ROBO2: variants seen among roughly 807,000 people sequenced by gnomAD.
ROBO2 encodes the protein roundabout homolog 2.
ROBO2 carries 53 observed loss-of-function variants against 160.8 expected under a neutral mutation model. The observed-to-expected ratio is 0.33, with a 90% CI of 0.26 to 0.41. The LOEUF (loss-of-function observed/expected upper bound fraction) is 0.41. Among genes scored for constraint, ROBO2 ranks in the 10% least tolerant of loss-of-function variants. The pLI, the probability that ROBO2 is intolerant of heterozygous loss-of-function variation, is 1.00. For synonymous variants in ROBO2, 664 were observed against 611.7 expected, an observed-to-expected ratio of 1.09 and a Z score of -1.26; for missense variants, 1,577 against 1,722.4, an observed-to-expected ratio of 0.92 and a Z score of 1.49.
chr3:76,500,444 G>A (rs191487483), intron 2 of ROBO2, among the ~76,000 whole-genome samples: 2 of 152,320 alleles, frequency 1.3e-5, no homozygotes, highest in Admixed American at 6.5e-5. Context: ...AATATGGAAT[G>A]TAATATATAG....
At chr3:76,833,676 G>C (rs531890411) in intron 2 of ROBO2, among the ~76,000 whole-genome samples, 1 of 152,040 alleles carries the variant, frequency 6.6e-6, no homozygotes, top group East Asian at 1.9e-4. Flanking sequence ...ACATTCTTTT[G>C]ATGTCCTCTT....
intron 2 of ROBO2, among the ~76,000 whole-genome samples, chr3:76,938,998 T>TAAAAAAAAAAAAAAAAAA (rs2077965816): frequency 8.3e-6 from 1 of 121,074 alleles, no homozygotes; most frequent in African/African-American, 3.2e-5. Flanking sequence ...AAAAAAAAAG[T>TAAAAAAAAAAAAAAAAAA]AGCCCCACAC....
intron 2 of ROBO2, among the ~76,000 whole-genome samples, chr3:77,294,080 A>C (rs1375927772): frequency 7.1e-6 from 1 of 140,698 alleles, no homozygotes; most frequent in Non-Finnish European, 1.6e-5. Flanking sequence ...CAGTAAAGAC[A>C]TAAAGTAAAA....
intron 2 of ROBO2, among the ~76,000 whole-genome samples, chr3:77,010,425 C>A (rs890019248): frequency 6.6e-6 from 1 of 152,160 alleles, no homozygotes; most frequent in Admixed American, 6.5e-5. Context: ...GCTTAACATT[C>A]TCCAAAGACA....
At chr3:76,196,237 T>C (rs1702255849) in intron 2 of ROBO2, among the ~76,000 whole-genome samples, 1 of 152,184 alleles carries the variant, frequency 6.6e-6, no homozygotes, top group Non-Finnish European at 1.5e-5. Context: ...AGGCTGATGA[T>C]ACTGACTTAA....
intron 2 of ROBO2, among the ~76,000 whole-genome samples, chr3:77,442,020 A>C (rs2079970767): frequency 6.6e-6 from 1 of 152,306 alleles, no homozygotes; most frequent in Admixed American, 6.5e-5. Context: ...GAACAATAAT[A>C]TCAGATTTAC....
intron 21 of ROBO2, among the ~76,000 whole-genome samples, chr3:77,611,726 CA>C (rs200908609): frequency 6.6e-6 from 1 of 152,190 alleles, no homozygotes; most frequent in East Asian, 1.9e-4. Context: ...ATCAGAATAT[CA>C]AAAGTTATCA....
intron 2 of ROBO2, among the ~76,000 whole-genome samples, chr3:76,668,571 G>T (rs2110141208): frequency 6.6e-6 from 1 of 152,264 alleles, no homozygotes; most frequent in African/African-American, 2.4e-5. Context: ...GTACAACTTG[G>T]GTTGAAGTAA....
At chr3:76,636,983 A>G (rs1473741602) in intron 2 of ROBO2, among the ~76,000 whole-genome samples, 1 of 152,142 alleles carries the variant, frequency 6.6e-6, no homozygotes, top group African/African-American at 2.4e-5. Flanking sequence ...GGTGAATTCA[A>G]GGAGAGTGAG....
At chr3:77,263,907 A>G (rs984836903) in intron 2 of ROBO2, among the ~76,000 whole-genome samples, 1 of 152,200 alleles carries the variant, frequency 6.6e-6, no homozygotes, top group African/African-American at 2.4e-5. Flanking sequence ...TAATCTAAGC[A>G]TTGTGTCTTG....
chr3:76,197,109 T>G (rs1468137794), intron 2 of ROBO2, among the ~76,000 whole-genome samples: 1 of 151,926 alleles, frequency 6.6e-6, no homozygotes, highest in African/African-American at 2.4e-5. Context: ...GATAATCCAC[T>G]GAGCTAATCA....
At chr3:76,963,097 T>C (rs981360528) in intron 2 of ROBO2, among the ~76,000 whole-genome samples, 2 of 152,092 alleles carry the variant, frequency 1.3e-5, no homozygotes, top group Admixed American at 1.3e-4. Context: ...AAAAGTTTGT[T>C]TAAAATATTA....
At chr3:77,516,693 C>G (rs1470571) in intron 5 of ROBO2, among the ~76,000 whole-genome samples, 1 of 151,464 alleles carries the variant, frequency 6.6e-6, no homozygotes, top group Non-Finnish European at 1.5e-5. Context: ...GTAGCATTAA[C>G]GAATTAAATA....
At chr3:77,547,446 ATC>A (rs1257581271) in intron 7 of ROBO2, among the ~76,000 whole-genome samples, 1 of 152,098 alleles carries the variant, frequency 6.6e-6, no homozygotes, top group African/African-American at 2.4e-5. Context: ...ATTATTAAAC[ATC>A]TCTGGAAATC....
chr3:76,561,521 T>C (rs796610569), intron 2 of ROBO2, among the ~76,000 whole-genome samples: 10 of 152,300 alleles, frequency 6.6e-5, no homozygotes, highest in African/African-American at 2.4e-4. Context: ...CTGATTATTG[T>C]TAAGTGCCTA....
chr3:76,757,770 T>C (rs1021774723), intron 2 of ROBO2, among the ~76,000 whole-genome samples: 3 of 151,782 alleles, frequency 2.0e-5, no homozygotes, highest in Non-Finnish European at 4.4e-5. Context: ...TCCAGAGAGA[T>C]TGAACCTTCT....
intron 20 of ROBO2, among the ~76,000 whole-genome samples, chr3:77,605,111 A>C (rs1476683005): frequency 6.6e-6 from 1 of 150,550 alleles, no homozygotes; most frequent in East Asian, 2.0e-4. Flanking sequence ...CCTGCAGTGG[A>C]TGTGATCGCA....
At chr3:77,270,477 CTGTT>C (rs1455382247) in intron 2 of ROBO2, among the ~76,000 whole-genome samples, 3 of 152,106 alleles carry the variant, frequency 2.0e-5, no homozygotes, top group African/African-American at 4.8e-5. Context: ...GTGGTTCAAA[CTGTT>C]TGTGTAACCC....
intron 2 of ROBO2, among the ~76,000 whole-genome samples, chr3:77,472,108 TGAGA>T (rs141138831): frequency 3.3e-5 from 5 of 149,774 alleles, no homozygotes; most frequent in Non-Finnish European, 7.4e-5. Context: ...TAAGCCACAA[TGAGA>T]GAGAGAGAGA....
Sources: gnomAD v4.1 joint callset for allele counts (sites outside exome capture counted in the v4.1 genomes callset) on GRCh38, gnomAD v4.1.1 for gene constraint, MANE v1.5 for transcripts, NCBI Gene and HGNC (gene_info 2026-07-23, HGNC 2026-07-21) for gene names.